RAD51B: variants seen among roughly 807,000 people sequenced by gnomAD.
RAD51B encodes DNA repair protein RAD51 homolog 2.
RAD51B carries 38 observed loss-of-function variants against 42.2 expected under a neutral mutation model. That is an observed-to-expected ratio of 0.90 (90% CI 0.70 to 1.18). The LOEUF is 1.18. Ranked by LOEUF, RAD51B falls within the 50% of genes most tolerant of loss-of-function variation. The pLI, the probability that RAD51B is intolerant of heterozygous loss-of-function variation, is 0.00. For synonymous variants in RAD51B, 154 were observed against 145.2 expected, an observed-to-expected ratio of 1.06 and a Z score of -0.43; for missense variants, 373 against 400.7, an observed-to-expected ratio of 0.93 and a Z score of 0.59.
intron 3 of RAD51B, among the ~76,000 whole-genome samples, chr14:67,831,265 G>A (rs557089694): frequency 4.5e-4 from 69 of 152,292 alleles, no homozygotes; most frequent in African/African-American, 1.3e-3. Flanking sequence ...TGAAGGCGAG[G>A]CATGCACGTG....
At chr14:68,275,793 T>TA (rs2081209487) in intron 7 of RAD51B, among the ~76,000 whole-genome samples, 2 of 106,420 alleles carry the variant, frequency 1.9e-5, no homozygotes, top group African/African-American at 8.1e-5. Context: ...AAACTAGCTC[T>TA]CCACACACAC....
chr14:68,441,466 C>T (rs112828201), intron 9 of RAD51B, among the ~76,000 whole-genome samples: 1 of 133,350 alleles, frequency 7.5e-6, no homozygotes, highest in African/African-American at 2.7e-5. Flanking sequence ...GGAGTGAACC[C>T]GGGAGGAGGA....
chr14:68,157,260 C>G (rs1195550161), intron 7 of RAD51B, among the ~76,000 whole-genome samples: 4 of 152,090 alleles, frequency 2.6e-5, no homozygotes, highest in Non-Finnish European at 5.9e-5. Flanking sequence ...TATTATTATT[C>G]ATATTAACTT....
At chr14:68,289,526 C>A (rs2081477182) in intron 7 of RAD51B, among the ~76,000 whole-genome samples, 1 of 151,996 alleles carries the variant, frequency 6.6e-6, no homozygotes. Context: ...ACCAGCCTGG[C>A]CAGCATGGTG....
At chr14:67,948,410 A>G (rs1272579530) in intron 7 of RAD51B, among the ~76,000 whole-genome samples, 1 of 152,194 alleles carries the variant, frequency 6.6e-6, no homozygotes, top group Non-Finnish European at 1.5e-5. Flanking sequence ...GTCTGGAGAT[A>G]TATGCAACCC....
intron 8 of RAD51B, among the ~76,000 whole-genome samples, chr14:68,330,867 G>T (rs2082333329): frequency 6.6e-6 from 1 of 152,146 alleles, no homozygotes; most frequent in Non-Finnish European, 1.5e-5. Context: ...AGTGTGTTTG[G>T]AGGGGTAGAA....
intron 7 of RAD51B, among the ~76,000 whole-genome samples, chr14:67,970,692 G>C (rs1463324408): frequency 6.6e-6 from 1 of 151,900 alleles, no homozygotes; most frequent in Non-Finnish European, 1.5e-5. Context: ...CTTGTGATTG[G>C]TTGCTGTTTG....
chr14:68,321,127 G>A (rs754267686), intron 8 of RAD51B, among the ~76,000 whole-genome samples: 11 of 152,000 alleles, frequency 7.2e-5, no homozygotes, highest in Non-Finnish European at 1.6e-4. Context: ...TTAAAATCAA[G>A]CCTATCCAAT....
At chr14:67,844,502 C>T (rs765829778) in intron 4 of RAD51B, among the ~76,000 whole-genome samples, 8 of 151,466 alleles carry the variant, frequency 5.3e-5, no homozygotes, top group Non-Finnish European at 1.0e-4. Context: ...TAAGAACTTG[C>T]TTTATGAACC....
chr14:68,629,365 C>T (rs1892172612), intron 10 of RAD51B, among the ~76,000 whole-genome samples: 1 of 152,168 alleles, frequency 6.6e-6, no homozygotes, highest in Non-Finnish European at 1.5e-5. Flanking sequence ...ACCCCAAAAC[C>T]CACCTCTCTT....
intron 7 of RAD51B, among the ~76,000 whole-genome samples, chr14:67,993,861 T>C (rs2075338224): frequency 6.6e-6 from 1 of 152,198 alleles, no homozygotes; most frequent in East Asian, 1.9e-4. Context: ...TTTTGTGATG[T>C]AACCTCTAAA....
chr14:68,322,856 G>A (rs2082180789), intron 8 of RAD51B, among the ~76,000 whole-genome samples: 1 of 152,214 alleles, frequency 6.6e-6, no homozygotes, highest in Admixed American at 6.5e-5. Context: ...CTGCCTACAA[G>A]CAGAAAGCTT....
chr14:68,164,566 G>A (rs1193103496), intron 7 of RAD51B, among the ~76,000 whole-genome samples: 1 of 152,170 alleles, frequency 6.6e-6, no homozygotes, highest in Non-Finnish European at 1.5e-5. Context: ...GATCCCCTTG[G>A]TGAGCATTGT....
intron 8 of RAD51B, among the ~76,000 whole-genome samples, chr14:68,403,272 C>T (rs1374104153): frequency 1.3e-5 from 2 of 152,114 alleles, no homozygotes; most frequent in African/African-American, 2.4e-5. Flanking sequence ...ACTTTTCCTT[C>T]CCCTCTGTTC....
intron 10 of RAD51B, among the ~76,000 whole-genome samples, chr14:68,518,032 G>C (rs1352428616): frequency 6.6e-6 from 1 of 152,142 alleles, no homozygotes; most frequent in Non-Finnish European, 1.5e-5. Context: ...CTCAACTCCA[G>C]TCTAGAAGTG....
Position 68,505,546 on chromosome 14 carries a change from C to CTT in RAD51B, c.1036+37317_1036+37318dup, listed in dbSNP as rs34764928. Among the ~76,000 whole-genome samples the CTT allele has an allele frequency of 8.7e-3, 978 of 111,984 alleles. 11 individuals are homozygous for CTT. Among genetic ancestry groups the CTT allele is most frequent in the Non-Finnish European group, 0.01 (576 of 56,272 alleles). The allele number at this position is 111,984 out of a possible 152,430, so 73.5% of individuals were successfully genotyped here. A position where few individuals can be genotyped will look rare whatever the true frequency, so the allele number is the denominator to read the frequency against. The stretch of plus-strand genomic sequence containing the variant: ...CAAATGAACTTGTAGATTAGCCAAT[C>CTT]TTTTTTTTTTTTTTTTTTTTTTGAG... On this transcript the variant is annotated intron_variant, in intron 10 of 10. Transcript: ENST00000487270.
chr14:68,641,811 T>C (rs890448361), intron 10 of RAD51B, among the ~76,000 whole-genome samples: 1 of 151,938 alleles, frequency 6.6e-6, no homozygotes, highest in Non-Finnish European at 1.5e-5. Flanking sequence ...TCCTCCTGCA[T>C]TGGCTTCCTG....
intron 7 of RAD51B, among the ~76,000 whole-genome samples, chr14:67,987,337 C>T (rs746753823): frequency 6.6e-6 from 1 of 152,236 alleles, no homozygotes; most frequent in African/African-American, 2.4e-5. Context: ...CCCGCTAAGT[C>T]CCCACTACCC....
chr14:68,009,763 A>G (rs1329962882), intron 7 of RAD51B, among the ~76,000 whole-genome samples: 1 of 151,866 alleles, frequency 6.6e-6, no homozygotes, highest in Non-Finnish European at 1.5e-5. Flanking sequence ...ATTTTTCTTC[A>G]TAATACTTTA....
Sources: allele counts gnomAD v4.1 joint callset (sites outside exome capture counted in the v4.1 genomes callset), GRCh38; gene constraint gnomAD v4.1.1; transcripts MANE v1.5; gene names NCBI Gene and HGNC (gene_info 2026-07-23, HGNC 2026-07-21).